The following ADGRG4 variants were observed in gnomAD, a reference collection of about 807,000 sequenced individuals.
ADGRG4 encodes the protein G protein-coupled receptor 112.
Under a neutral mutation model 126.2 loss-of-function variants are expected in ADGRG4, and 122 were observed. The ratio of observed to expected loss-of-function variants is 0.97; its 90% CI spans 0.83 to 1.12. ADGRG4 has a LOEUF of 1.12. Among genes scored for constraint, ADGRG4 ranks in the 50% most tolerant of loss-of-function variants. The probability of loss-of-function intolerance (pLI) is 0.00; values close to 1 mark genes in which losing one functional copy is unlikely to be tolerated. For missense variants in ADGRG4, 2,481 were observed against 2,251.8 expected (o/e 1.10, Z -2.06); for synonymous variants, 943 against 838.7 (o/e 1.12, Z -2.15).
At chrX:136,380,530 G>GCTGCCT (rs1556016771) in intron 15 of ADGRG4, among the ~76,000 whole-genome samples, 4 of 103,723 alleles carry the variant, frequency 3.9e-5, no homozygotes, top group Non-Finnish European at 7.9e-5. Context: ...TGCTGCTGCT[G>GCTGCCT]CCTCCTCCTC....
intron 25 of ADGRG4, among the ~76,000 whole-genome samples, chrX:136,415,572 C>T (rs2075471385): frequency 1.8e-5 from 2 of 111,215 alleles, no homozygotes; most frequent in African/African-American, 3.3e-5. Context: ...ATGAGAAAAA[C>T]CTTTCCCTGG....
At chrX:136,341,292 G>A (rs1453827448) in intron 5 of ADGRG4, among the ~76,000 whole-genome samples, 1 of 112,435 alleles carries the variant, frequency 8.9e-6, no homozygotes, top group East Asian at 2.8e-4. Context: ...GACTTTTATG[G>A]TATTTAGTGT....
chrX:136,377,967 T>C (rs2075238098), intron 15 of ADGRG4, among the ~76,000 whole-genome samples: 1 of 111,125 alleles, frequency 9.0e-6, no homozygotes, highest in Non-Finnish European at 1.9e-5. Context: ...ATTCTAAGCC[T>C]TTTGCATGTC....
At chrX:136,301,691 C>A (rs1451329221) in intron 1 of ADGRG4, among the ~76,000 whole-genome samples, 2 of 111,969 alleles carry the variant, frequency 1.8e-5, no homozygotes, top group Non-Finnish European at 3.8e-5. Context: ...CCTAGGTTTT[C>A]TTCTAGGGTT....
In ADGRG4 at chrX:136,416,478, G is replaced by A; in HGVS notation, c.9230G>A (p.Cys3077Tyr). 3 of 1,194,971 alleles carry A rather than the reference G, an allele frequency of 2.5e-6. 1 individual carries two copies. The highest frequency in any genetic ancestry group is 3.6e-5 in the South Asian group (2 of 54,989). Residue 3077 changes from cysteine to tyrosine, a missense_variant, in exon 26 of 26, where the codon TGT becomes TAT. Coordinates refer to ENST00000394143, the MANE Select transcript of ADGRG4 (RefSeq NM_153834.4). ...GATGACTTTGACAAAGATCCTTACT[G>A]TTCCTCTCCTTGATTTGTGAAGTTG... is the stretch of plus-strand genomic sequence containing the variant. Reference protein sequence around the residue: ...PNDDFDKDPYCSSP With the variant: ...PNDDFDKDPYYSSP
chrX:136,330,868 C>T (rs1037256889), intron 5 of ADGRG4, among the ~76,000 whole-genome samples: 3 of 111,066 alleles, frequency 2.7e-5, no homozygotes, highest in Non-Finnish European at 3.8e-5. Flanking sequence ...TTTAAATGAA[C>T]AATTAAGTTA....
Position 136,344,383 on chromosome X carries a change from T to G in ADGRG4, c.686-9T>G. 3 of 1,112,973 alleles carry G rather than the reference T, an allele frequency of 2.7e-6. No homozygotes were observed. The highest frequency in any genetic ancestry group is 3.6e-6 in the Non-Finnish European group (3 of 834,160). The allele number at this position is 1,112,973 out of a possible 1,213,427, so 91.7% of individuals were successfully genotyped here. A position where few individuals can be genotyped will look rare whatever the true frequency, so the allele number is the denominator to read the frequency against. On this transcript the variant is annotated splice_polypyrimidine_tract_variant and intron_variant, in intron 5 of 25. Coordinates refer to ENST00000394143, the MANE Select transcript of ADGRG4 (RefSeq NM_153834.4). ...ATCCAAAATAACACATTCTTTCTGATTTTTTTAGTTGTTCCTGAAAATATG... is the reference window on the plus strand; with the variant it reads ...ATCCAAAATAACACATTCTTTCTGAGTTTTTTAGTTGTTCCTGAAAATATG...
chrX:136,393,649 G>T (rs781691833), intron 18 of ADGRG4, 69 bp downstream of exon 18: 96 of 787,635 alleles, frequency 1.2e-4, no homozygotes, highest in Non-Finnish European at 1.8e-4. Context: ...TAAATGGGAG[G>T]GGGTTGTGCT....
chrX:136,398,420 C>G (rs772363642), intron 20 of ADGRG4, among the ~76,000 whole-genome samples: 9 of 111,915 alleles, frequency 8.0e-5, no homozygotes, highest in African/African-American at 2.3e-4. Flanking sequence ...AAGCAAAAGA[C>G]AATAAAGTTT....
In ADGRG4 at chrX:136,309,696, C is replaced by G. The variant is rs1014744508; in HGVS notation, c.70+849C>G. 3.6e-5 allele frequency among the ~76,000 whole-genome samples: 4 copies of G among 111,680 alleles called. No homozygotes were observed. In the Admixed American group the frequency reaches 3.8e-4, roughly 11 times the overall value. Reference sequence around the variant, plus strand: ...CTGCATGCAGAGCCTGATAGGAAACCATGTTTCTTATAATAGAGATTGAAA... The same window carrying G: ...CTGCATGCAGAGCCTGATAGGAAACGATGTTTCTTATAATAGAGATTGAAA... On this transcript the variant is annotated intron_variant, in intron 4 of 25. Transcript: ENST00000394143.
chrX:136,405,758 C>T lies in ADGRG4; in HGVS notation c.8721C>T (p.Leu2907=), dbSNP rs2075402740. 8.4e-7 allele frequency: 1 copy of T among 1,196,610 alleles called. No individual in the cohort carries two copies. The highest frequency in any genetic ancestry group is 1.8e-5 in the African/African-American group (1 of 56,906). ...SVVAYFCLIF[L]MNLSMFCTVL... is the part of the protein sequence containing the mutation. ...TGGCTTATTTTTGCCTCATATTTCT[C>T]ATGAATCTCTCCATGTTCTGCACTG... is the stretch of plus-strand genomic sequence containing the variant. The change falls in exon 23 of 26, where the codon CTC becomes CTT. Residue 2907 remains leucine, a synonymous_variant. Coordinates refer to ENST00000394143, the MANE Select transcript of ADGRG4 (RefSeq NM_153834.4).
At chrX:136,414,372 A>G (rs1218107658) in intron 25 of ADGRG4, 45 bp downstream of exon 25, 4 of 1,051,621 alleles carry the variant, frequency 3.8e-6, no homozygotes, top group Non-Finnish European at 5.2e-6. Context: ...TTCCAGAGAT[A>G]TTGAATTAAT....
At chrX:136,373,220 A>G (rs774696230) in intron 15 of ADGRG4, among the ~76,000 whole-genome samples, 156 bp downstream of exon 15, 4 of 112,386 alleles carry the variant, frequency 3.6e-5, no homozygotes, top group Non-Finnish European at 7.5e-5. Context: ...TATAATCTTT[A>G]GTAGGCTAAC....
At chrX:136,305,384 C>T (rs2074726866) in intron 3 of ADGRG4, among the ~76,000 whole-genome samples, 2 of 111,577 alleles carry the variant, frequency 1.8e-5, no homozygotes, top group Non-Finnish European at 1.9e-5. Flanking sequence ...AGCTCTATGA[C>T]TTTGGATGAG....
chrX:136,326,648 C>T (rs1236497518), intron 5 of ADGRG4, among the ~76,000 whole-genome samples: 1 of 111,087 alleles, frequency 9.0e-6, no homozygotes, highest in East Asian at 2.8e-4. Context: ...GCCTGCCTCA[C>T]CACTGAAGGA....
At chrX:136,391,450 G>A (rs1251592997) in intron 16 of ADGRG4, among the ~76,000 whole-genome samples, 1 of 112,023 alleles carries the variant, frequency 8.9e-6, no homozygotes, top group African/African-American at 3.2e-5. Flanking sequence ...CTAGTTTGTT[G>A]CCTTTAAACC....
At chrX:136,397,771 T>C in intron 19 of ADGRG4, 110 bp from the exon 20 acceptor site, 1 of 732,093 alleles carries the variant, frequency 1.4e-6, no homozygotes. Context: ...AGAAGAGCTA[T>C]GGCAGAAATG....
At position 136,362,880 on chromosome X, in the gene ADGRG4, C is replaced by T. The variant is rs113246132; in HGVS notation, c.7278-597C>T. ...AGTAGTTACACTTAGAATTTTAAACCCCCTAATTACAAGTTCCTTGAGGGA... is the reference window on the plus strand; with the variant it reads ...AGTAGTTACACTTAGAATTTTAAACTCCCTAATTACAAGTTCCTTGAGGGA... On this transcript the variant is annotated intron_variant, in intron 12 of 25. Transcript: ENST00000394143. Among the ~76,000 whole-genome samples, 999 of 111,000 alleles carry T rather than the reference C, an allele frequency of 9.0e-3. 12 individuals are homozygous for T. The highest frequency in any genetic ancestry group is 0.031 in the African/African-American group (930 of 30,460).
intron 15 of ADGRG4, among the ~76,000 whole-genome samples, chrX:136,386,415 C>T (rs916881982): frequency 8.9e-6 from 1 of 112,046 alleles, no homozygotes; most frequent in Non-Finnish European, 1.9e-5. Flanking sequence ...ATTGCCCTAG[C>T]AGAGTTCATT....
Sources: gnomAD v4.1 joint callset for allele counts (sites outside exome capture counted in the v4.1 genomes callset) on GRCh38, gnomAD v4.1.1 for gene constraint, MANE v1.5 for transcripts, NCBI Gene and HGNC (gene_info 2026-07-23, HGNC 2026-07-21) for gene names.